Variants in ITPR1 observed in about 807,000 individuals in gnomAD.
The protein encoded by ITPR1 is inositol 1,4,5-trisphosphate-gated calcium channel ITPR1.
In ITPR1, 96 loss-of-function variants were observed where a neutral mutation model predicts 318.4. The observed-to-expected ratio is 0.30, with a 90% CI of 0.26 to 0.36. The LOEUF is 0.36. Among genes scored for constraint, ITPR1 ranks in the 10% least tolerant of loss-of-function variants. ITPR1 has a pLI of 1.00. For synonymous variants in ITPR1, 1,312 were observed against 1,289.9 expected (o/e 1.02, Z -0.37); for missense variants, 2,440 against 3,460.2 (o/e 0.71, Z 7.40).
chr3:4,579,382 T>C (rs2089049341), intron 4 of ITPR1, among the ~76,000 whole-genome samples: 1 of 152,232 alleles, frequency 6.6e-6, no homozygotes, highest in African/African-American at 2.4e-5. Context: ...TGTTACTAAA[T>C]GGCTGAATAT....
intron 47 of ITPR1, among the ~76,000 whole-genome samples, chr3:4,775,732 C>CAATA (rs2046444089): frequency 6.6e-6 from 1 of 152,068 alleles, no homozygotes; most frequent in South Asian, 2.1e-4. Flanking sequence ...TAGGAGTAGG[C>CAATA]AATAAGGCAG....
Position 4,836,949 on chromosome 3 carries a change from A to AT in ITPR1, c.8190+15dup. 1 of 1,560,320 alleles carries AT rather than the reference A, an allele frequency of 6.4e-7. No individual in the cohort carries two copies. Among genetic ancestry groups the AT allele is most frequent in the Non-Finnish European group, 8.8e-7 (1 of 1,142,042 alleles). On this transcript the variant is annotated intron_variant, in intron 61 of 61. Coordinates refer to ENST00000649015, the MANE Select transcript of ITPR1 (RefSeq NM_001378452.1). ...TTAAAGGATCAGGTAAAGAAAGAAA[A>AT]TCCCAGCGCCTACCCTCCCATCACT...
rs540331475 is a variant in ITPR1 at position 4,699,890 on chromosome 3, T to A, written c.4485T>A (p.Ile1495=). 2.3e-5 allele frequency: 37 copies of A among 1,613,818 alleles called. 1 individual carries two copies. The South Asian group carries it at 3.8e-4, about 17-fold the overall frequency. ...EKYVTEIVMS[I]VTTFFSSPFS... ...ATGTCACCGAAATCGTCATGAGTAT[T>A]GTTACTACTTTCTTCAGCTCTCCCT... The change falls in exon 35 of 62, where the codon ATT becomes ATA. Residue 1495 remains isoleucine (I), a synonymous_variant. Transcript: ENST00000649015.
At chr3:4,608,741 C>T (rs935609295) in intron 4 of ITPR1, among the ~76,000 whole-genome samples, 2 of 151,924 alleles carry the variant, frequency 1.3e-5, no homozygotes, top group Admixed American at 1.3e-4. Context: ...GTGGCTCATG[C>T]CTATAATCCC....
chr3:4,763,557 A>G (rs934762674), intron 44 of ITPR1, among the ~76,000 whole-genome samples: 3 of 152,128 alleles, frequency 2.0e-5, no homozygotes, highest in Non-Finnish European at 4.4e-5. Context: ...TTCCCAACCT[A>G]TTCTCTTTTT....
chr3:4,769,532 A>T (rs1398379625), intron 46 of ITPR1, among the ~76,000 whole-genome samples: 6 of 152,264 alleles, frequency 3.9e-5, no homozygotes, highest in Admixed American at 1.3e-4. Flanking sequence ...TTACAGAAAG[A>T]GGTGCTCAAA....
intron 4 of ITPR1, among the ~76,000 whole-genome samples, chr3:4,572,616 A>G (rs2088144361): frequency 6.6e-6 from 1 of 152,236 alleles, no homozygotes; most frequent in African/African-American, 2.4e-5. Context: ...AAAATTTACC[A>G]TTTTAACCAT....
chr3:4,768,698 C>T lies in ITPR1; in HGVS notation c.5913C>T (p.Ile1971=). 1 of 1,613,874 alleles carries T rather than the reference C, an allele frequency of 6.2e-7. No homozygotes were observed. Among genetic ancestry groups the T allele is most frequent in the Non-Finnish European group, 8.5e-7 (1 of 1,179,866 alleles). ...AKDDLEMSAV[I]TIMQPILRFL... ...ACGACCTGGAGATGAGCGCGGTCAT[C>T]ACCATCATGCAGCCCATCCTCCGCT... Residue 1971 remains isoleucine, a synonymous_variant, in exon 46 of 62, where the codon ATC becomes ATT. Coordinates refer to ENST00000649015, the MANE Select transcript of ITPR1 (RefSeq NM_001378452.1).
intron 43 of ITPR1, among the ~76,000 whole-genome samples, chr3:4,734,452 G>A (rs144728943): frequency 5.9e-5 from 9 of 152,300 alleles, no homozygotes; most frequent in Admixed American, 1.3e-4. Flanking sequence ...AGTTCTGCAC[G>A]AAAGGACAGA....
chr3:4,680,731 C>A (rs148841467), intron 25 of ITPR1, 40 bp downstream of exon 25: 28 of 1,561,428 alleles, frequency 1.8e-5, no homozygotes, highest in Non-Finnish European at 2.4e-5. Flanking sequence ...TAGAATGGGA[C>A]CTGGCTCTAA....
rs965792046 is a variant in ITPR1, at chr3:4,680,674, G to T, written c.3089G>T (p.Gly1030Val). The part of the protein sequence containing the change: ...ETSSGNSSQE[G>V]PSNVPGALDF... ...TCCTCCGGAAACAGCAGCCAAGAAG[G>T]GCCAAGTAATGTACCAGGTTAGTGA... Residue 1030 changes from glycine (G) to valine (V), a missense_variant, in exon 25 of 62, where the codon GGG (glycine) becomes GTG (valine). Physicochemically the swap from Gly to Val is moderately radical, Grantham distance 109. Transcript: ENST00000649015. 6.2e-7 allele frequency: 1 copy of T among 1,612,394 alleles called. No homozygotes were observed. The highest frequency in any genetic ancestry group is 8.5e-7 in the Non-Finnish European group (1 of 1,179,092).
chr3:4,619,684 TCCTC>T lies in ITPR1; in HGVS notation c.164-8078_164-8075del, dbSNP rs2092540315. On this transcript the variant is annotated intron_variant, in intron 4 of 61. Transcript: ENST00000649015. The stretch of plus-strand genomic sequence containing the variant: ...TGCTCTCCTCTGCTCTCCCCTGCTC[TCCTC>T]TGCTCTCCCCTGCTCTCCTCTGCTC... 9.8e-4 allele frequency among the ~76,000 whole-genome samples: 3 copies of T among 3,064 alleles called. 1 individual carries two copies. The African/African-American group carries it at 0.01, about 10-fold the overall frequency. The allele number at this position is 3,064 out of a possible 152,430, so 2.0% of individuals were successfully genotyped here.
chr3:4,522,605 G>T (rs998523365), intron 4 of ITPR1, among the ~76,000 whole-genome samples: 1 of 152,174 alleles, frequency 6.6e-6, no homozygotes, highest in Non-Finnish European at 1.5e-5. Flanking sequence ...TGCCTCCACC[G>T]CCTTTTTCTT....
chr3:4,840,600 A>T (rs1358805367), intron 61 of ITPR1, among the ~76,000 whole-genome samples: 2 of 152,196 alleles, frequency 1.3e-5, no homozygotes, highest in African/African-American at 4.8e-5. Context: ...TTATGTATCA[A>T]TCTGAGGGAA....
intron 4 of ITPR1, among the ~76,000 whole-genome samples, chr3:4,563,277 G>T (rs2086867122): frequency 6.6e-6 from 1 of 152,152 alleles, no homozygotes; most frequent in African/African-American, 2.4e-5. Flanking sequence ...AAAGGCCAAG[G>T]CAGGAGGATT....
At chr3:4,591,060 T>C (rs996253417) in intron 4 of ITPR1, among the ~76,000 whole-genome samples, 1 of 152,254 alleles carries the variant, frequency 6.6e-6, no homozygotes, top group Non-Finnish European at 1.5e-5. Flanking sequence ...CATGATCTCA[T>C]TCTTTTTTAT....
intron 2 of ITPR1, among the ~76,000 whole-genome samples, chr3:4,498,740 T>G (rs1406874135): frequency 3.3e-5 from 5 of 152,176 alleles, no homozygotes; most frequent in Non-Finnish European, 7.3e-5. Flanking sequence ...GACAAATAGG[T>G]GAACGTACAG....
intron 4 of ITPR1, among the ~76,000 whole-genome samples, chr3:4,588,463 T>C (rs933091692): frequency 1.3e-5 from 2 of 152,158 alleles, no homozygotes; most frequent in African/African-American, 2.4e-5. Context: ...AGTTCTCTGC[T>C]GGTTCTCCAG....
chr3:4,621,026 C>T (rs551620356), intron 4 of ITPR1, among the ~76,000 whole-genome samples: 45 of 151,780 alleles, frequency 3.0e-4, no homozygotes, highest in Non-Finnish European at 5.3e-4. Context: ...TTGGATGTTT[C>T]GTATGCATCT....
Sources: allele counts gnomAD v4.1 joint callset (sites outside exome capture counted in the v4.1 genomes callset), GRCh38; gene constraint gnomAD v4.1.1; transcripts MANE v1.5; gene names NCBI Gene and HGNC (gene_info 2026-07-23, HGNC 2026-07-21).